NEGR1: variants seen among roughly 807,000 people sequenced by gnomAD.
The protein encoded by NEGR1 is IgLON family member 4.
A neutral mutation model predicts 40.9 loss-of-function variants in NEGR1; 10 were observed. The observed-to-expected ratio is 0.24, with a 90% CI of 0.15 to 0.42. The LOEUF is 0.42. NEGR1 is among the 10% of genes least tolerant of loss of function. NEGR1 has a pLI of 1.00. For synonymous variants in NEGR1, 185 were observed against 166.8 expected (o/e 1.11, Z -0.84); for missense variants, 352 against 438.9 (o/e 0.80, Z 1.77).
chr1:71,793,629 G>T (rs1282882611), intron 2 of NEGR1, among the ~76,000 whole-genome samples: 2 of 151,916 alleles, frequency 1.3e-5, no homozygotes, highest in African/African-American at 4.8e-5. Flanking sequence ...TACAAGAAAA[G>T]CAATTTCACT....
chr1:71,686,093 CTTCATATAGGA>C (rs1653027525), intron 4 of NEGR1, among the ~76,000 whole-genome samples: 1 of 151,888 alleles, frequency 6.6e-6, no homozygotes, highest in South Asian at 2.1e-4. Flanking sequence ...GTAGGCTATA[CTTCATATAGGA>C]GGAAAGAAAA....
intron 6 of NEGR1, among the ~76,000 whole-genome samples, chr1:71,446,554 C>T (rs989237164): frequency 6.6e-6 from 1 of 152,108 alleles, no homozygotes; most frequent in African/African-American, 2.4e-5. Flanking sequence ...ATCCCTATGA[C>T]CAATTTAAGT....
intron 6 of NEGR1, among the ~76,000 whole-genome samples, chr1:71,580,025 T>C (rs376175340): frequency 5.3e-5 from 8 of 152,196 alleles, no homozygotes; most frequent in African/African-American, 1.7e-4. Flanking sequence ...CATTGCGGCA[T>C]TATTCACAAT....
intron 1 of NEGR1, among the ~76,000 whole-genome samples, chr1:72,056,099 A>C (rs1030706427): frequency 2.0e-5 from 3 of 151,188 alleles, no homozygotes; most frequent in Non-Finnish European, 4.4e-5. Flanking sequence ...TAAGTACTAC[A>C]TATGATGTGG....
At chr1:71,541,061 G>A (rs924150669) in intron 6 of NEGR1, among the ~76,000 whole-genome samples, 7 of 151,468 alleles carry the variant, frequency 4.6e-5, no homozygotes, top group African/African-American at 1.7e-4. Flanking sequence ...CCTCCACCCG[G>A]CCCCACCTCC....
intron 1 of NEGR1, among the ~76,000 whole-genome samples, chr1:72,253,362 G>A (rs1655166939): frequency 6.6e-6 from 1 of 152,134 alleles, no homozygotes; most frequent in Non-Finnish European, 1.5e-5. Context: ...AGCTCAGGCA[G>A]GGAAGTCAGA....
At chr1:72,103,489 T>C (rs923066100) in intron 1 of NEGR1, among the ~76,000 whole-genome samples, 5 of 152,154 alleles carry the variant, frequency 3.3e-5, no homozygotes, top group Admixed American at 2.6e-4. Flanking sequence ...GGATGAAATA[T>C]GCAGTATGCT....
chr1:72,112,268 A>T (rs995143871), intron 1 of NEGR1, among the ~76,000 whole-genome samples: 1 of 82,950 alleles, frequency 1.2e-5, no homozygotes, highest in South Asian at 2.9e-4. Flanking sequence ...TTTACGTTTA[A>T]AAAAAAAATC....
At chr1:72,190,031 A>G (rs1652762152) in intron 1 of NEGR1, among the ~76,000 whole-genome samples, 1 of 151,586 alleles carries the variant, frequency 6.6e-6, no homozygotes, top group Admixed American at 6.6e-5. Context: ...CTAAGAAGTC[A>G]TCGACCTAGA....
At chr1:71,952,411 G>A (rs1356568706) in intron 1 of NEGR1, among the ~76,000 whole-genome samples, 2 of 152,080 alleles carry the variant, frequency 1.3e-5, no homozygotes, top group Non-Finnish European at 2.9e-5. Context: ...TTAATCCAGA[G>A]TATGGCTCTA....
chr1:71,604,305 A>G (rs751280710), intron 5 of NEGR1, among the ~76,000 whole-genome samples: 1 of 152,172 alleles, frequency 6.6e-6, no homozygotes, highest in African/African-American at 2.4e-5. Flanking sequence ...ATGCAAATGT[A>G]ATGTATTCAT....
chr1:72,076,726 G>C (rs978396044), intron 1 of NEGR1, among the ~76,000 whole-genome samples: 1 of 151,672 alleles, frequency 6.6e-6, no homozygotes, highest in East Asian at 1.9e-4. Context: ...GTGCACACGC[G>C]CACACACACA....
intron 2 of NEGR1, among the ~76,000 whole-genome samples, chr1:71,862,903 A>G (rs1357793156): frequency 6.6e-6 from 1 of 152,162 alleles, no homozygotes; most frequent in Non-Finnish European, 1.5e-5. Context: ...ATGAGATACT[A>G]TCTCACACCA....
At chr1:72,074,463 T>C (rs1647629322) in intron 1 of NEGR1, among the ~76,000 whole-genome samples, 1 of 152,058 alleles carries the variant, frequency 6.6e-6, no homozygotes, top group African/African-American at 2.4e-5. Flanking sequence ...TGTGTATCTC[T>C]GTCCACTGCT....
intron 4 of NEGR1, among the ~76,000 whole-genome samples, chr1:71,680,308 C>G (rs979279363): frequency 6.6e-6 from 1 of 151,958 alleles, no homozygotes; most frequent in African/African-American, 2.4e-5. Context: ...TACATAGGAT[C>G]GTTCTGATTT....
At chr1:72,195,809 A>T (rs1405064108) in intron 1 of NEGR1, among the ~76,000 whole-genome samples, 1 of 152,016 alleles carries the variant, frequency 6.6e-6, no homozygotes, top group Non-Finnish European at 1.5e-5. Context: ...TGGCCATTAC[A>T]TTATAAGGTG....
intron 2 of NEGR1, among the ~76,000 whole-genome samples, chr1:71,868,170 T>C (rs966030341): frequency 1.3e-5 from 2 of 152,158 alleles, no homozygotes. Flanking sequence ...CCAGCGTGTT[T>C]TTTAAATCTG....
At chr1:71,455,842 T>A (rs1291657280) in intron 6 of NEGR1, among the ~76,000 whole-genome samples, 2 of 152,252 alleles carry the variant, frequency 1.3e-5, no homozygotes, top group Non-Finnish European at 2.9e-5. Flanking sequence ...ATACTTGTTT[T>A]CCTGTCTCCT....
chr1:72,105,469 C>A (rs373171614), intron 1 of NEGR1, among the ~76,000 whole-genome samples: 1 of 151,464 alleles, frequency 6.6e-6, no homozygotes, highest in Non-Finnish European at 1.5e-5. Flanking sequence ...GGTGGGGGGC[C>A]GAGGCAGGAG....
Sources: allele counts gnomAD v4.1 joint callset (sites outside exome capture counted in the v4.1 genomes callset), GRCh38; gene constraint gnomAD v4.1.1; transcripts MANE v1.5; gene names NCBI Gene and HGNC (gene_info 2026-07-23, HGNC 2026-07-21).